TCF20: variants seen among roughly 807,000 people sequenced by gnomAD.
TCF20 encodes the protein transcription factor 20.
A neutral mutation model predicts 148.6 loss-of-function variants in TCF20; 3 were observed. The observed-to-expected ratio is 0.02, with a 90% CI of 0.01 to 0.05. The LOEUF is 0.05. TCF20 is among the 10% of genes least tolerant of loss of function. The probability of loss-of-function intolerance (pLI) is 1.00; values close to 1 mark genes in which losing one functional copy is unlikely to be tolerated. For missense variants in TCF20, 2,350 were observed against 2,429.3 expected (o/e 0.97, Z 0.69); for synonymous variants, 1,049 against 909.5 (o/e 1.15, Z -2.76).
chr22:42,255,520 A>C (rs889794278), intron 1 of TCF20, among the ~76,000 whole-genome samples: 12 of 149,818 alleles, frequency 8.0e-5, no homozygotes, highest in Non-Finnish European at 1.8e-4. Context: ...AACAACAACA[A>C]CAACAACAAA....
chr22:42,333,347 T>C (rs1928011276), intron 1 of TCF20, among the ~76,000 whole-genome samples: 1 of 152,008 alleles, frequency 6.6e-6, no homozygotes, highest in Non-Finnish European at 1.5e-5. Flanking sequence ...GCTGCCTCGC[T>C]GTGCAGAAGC....
intron 1 of TCF20, chr22:42,277,162 C>T (rs182589728): frequency 3.9e-5 from 6 of 152,230 alleles, no homozygotes; most frequent in Admixed American, 1.3e-4. Flanking sequence ...GCAGGAATGC[C>T]GTTCCCTCTT....
chr22:42,218,666 A>G (rs1019263403), intron 1 of TCF20, among the ~76,000 whole-genome samples: 4 of 152,198 alleles, frequency 2.6e-5, no homozygotes, highest in Admixed American at 2.6e-4. Context: ...TGAAGATCTG[A>G]GTGTATAAAC....
intron 1 of TCF20, among the ~76,000 whole-genome samples, chr22:42,255,229 G>A (rs1925664692): frequency 6.6e-6 from 1 of 152,070 alleles, no homozygotes; most frequent in African/African-American, 2.4e-5. Context: ...GCTCATGCCT[G>A]TAATCCCAGC....
chr22:42,174,928 G>A (rs1936355834), intron 3 of TCF20, among the ~76,000 whole-genome samples: 1 of 151,886 alleles, frequency 6.6e-6, no homozygotes, highest in African/African-American at 2.4e-5. Flanking sequence ...CCAGCTGCTG[G>A]GGCGGCTGAG....
rs558691068 is a variant in TCF20 at position 42,205,855 on chromosome 22, T to C, written c.5655+3796A>G. On this transcript the variant is annotated intron_variant, in intron 2 of 5. Coordinates refer to ENST00000677622, the MANE Select transcript of TCF20 (RefSeq NM_001378418.1). ...GGCACCATCTTGGCTCACTGCAACCTCCGTCTCCTAGGCTCAAGCCATTCT... is the reference window on the plus strand; with the variant it reads ...GGCACCATCTTGGCTCACTGCAACCCCCGTCTCCTAGGCTCAAGCCATTCT... Among the ~76,000 whole-genome samples the C allele has an allele frequency of 5.3e-5, 8 of 152,334 alleles. No individual in the cohort carries two copies. The East Asian group carries it at 1.5e-3, about 29-fold the overall frequency.
intron 1 of TCF20, among the ~76,000 whole-genome samples, chr22:42,324,152 A>T (rs1297662820): frequency 7.3e-5 from 2 of 27,220 alleles, no homozygotes; most frequent in African/African-American, 1.7e-4. Flanking sequence ...GTGGTGATAG[A>T]GGTTATGGTG....
intron 2 of TCF20, among the ~76,000 whole-genome samples, chr22:42,202,508 G>C (rs1938102910): frequency 1.3e-5 from 2 of 152,128 alleles, no homozygotes; most frequent in African/African-American, 4.8e-5. Flanking sequence ...TGTGACTCTG[G>C]GGCTCTCACC....
chr22:42,217,364 G>A (rs1461552513), intron 1 of TCF20, among the ~76,000 whole-genome samples: 1 of 152,054 alleles, frequency 6.6e-6, no homozygotes, highest in African/African-American at 2.4e-5. Context: ...TCATTCCCTG[G>A]TCATTCTAGT....
At chr22:42,206,514 G>A (rs1938399285) in intron 2 of TCF20, among the ~76,000 whole-genome samples, 2 of 152,256 alleles carry the variant, frequency 1.3e-5, no homozygotes, top group East Asian at 1.9e-4. Context: ...TATTTTGAGC[G>A]CTCAAATTTG....
At chr22:42,271,397 A>G (rs1056244434), upstream of TCF20, among the ~76,000 whole-genome samples, 2 of 152,358 alleles carry the variant, frequency 1.3e-5, no homozygotes, top group Middle Eastern at 3.4e-3. Context: ...ATTTGCCGAT[A>G]AGGCGGAGGA....
chr22:42,214,421 T>C lies in TCF20; in HGVS notation c.885A>G (p.Gln295=), dbSNP rs377271112. 6.3e-5 allele frequency: 102 copies of C among 1,614,106 alleles called. No individual in the cohort carries two copies. Among genetic ancestry groups the C allele is most frequent in the Non-Finnish European group, 7.6e-5 (90 of 1,180,020 alleles). ...GTQSNYSYQP[Q]SMKNFEQAKI... is the part of the protein sequence containing the mutation. Reference sequence around the variant, plus strand: ...TTGCCTGTTCAAAATTCTTCATAGATTGAGGCTGATAGCTGTAATTGGATT... The same window carrying C: ...TTGCCTGTTCAAAATTCTTCATAGACTGAGGCTGATAGCTGTAATTGGATT... The change falls in exon 2 of 6, where the codon CAA becomes CAG. Residue 295 remains glutamine, a synonymous_variant. Transcript: ENST00000677622.
chr22:42,288,749 CAG>C (rs1182887393), upstream of TCF20, among the ~76,000 whole-genome samples: 1 of 130,462 alleles, frequency 7.7e-6, no homozygotes, highest in African/African-American at 3.1e-5. Flanking sequence ...AAAAAAAAGA[CAG>C]AGAGCAGAGT....
chr22:42,203,525 C>T (rs1409668655), intron 2 of TCF20, among the ~76,000 whole-genome samples: 3 of 152,012 alleles, frequency 2.0e-5, no homozygotes, highest in Non-Finnish European at 4.4e-5. Flanking sequence ...AGAATTTGGA[C>T]GAAATCCTGA....
In TCF20 at chr22:42,211,146, G is replaced by A. The variant is rs1346131573; in HGVS notation, c.4160C>T (p.Ser1387Phe). Residue 1387 changes from serine to phenylalanine, a missense_variant, in exon 2 of 6, where the codon TCT (serine) becomes TTT (phenylalanine). Ser to Phe is a radical substitution (Grantham distance 155). Around this residue, in one of 7 missense-constraint regions of TCF20, gnomAD observed 231 missense variants for 213.7 expected, o/e 1.08. Transcript: ENST00000677622. Reference protein sequence around the residue: ...GDTVTLDDILSLKSGPPEGGS... With the variant: ...GDTVTLDDILFLKSGPPEGGS... ...ACCTTCAGGAGGACCACTCTTCAAA[G>A]ACAGTATATCATCAAGCGTAACCGT... The A allele has an allele frequency of 3.1e-6, 5 of 1,614,174 alleles. No homozygotes were observed. In the East Asian group the frequency reaches 1.1e-4, roughly 36 times the overall value.
At chr22:42,182,346 A>G (rs1315338504) in intron 2 of TCF20, among the ~76,000 whole-genome samples, 1 of 152,220 alleles carries the variant, frequency 6.6e-6, no homozygotes, top group African/African-American at 2.4e-5. Flanking sequence ...GGCTTAAAAC[A>G]GTGGCTGGGT....
chr22:42,251,492 CTTTTTTTTTTTTT>C (rs71184878), intron 1 of TCF20, among the ~76,000 whole-genome samples: 20 of 47,008 alleles, frequency 4.3e-4, no homozygotes, highest in Non-Finnish European at 6.3e-4. Flanking sequence ...AAACAAGTGT[CTTTTTTTTTTTTT>C]TTTTTTTTTT....
In TCF20 at chr22:42,212,114, A is replaced by T; in HGVS notation, c.3192T>A (p.His1064Gln). The part of the protein sequence containing the change: ...PNSETLASAY[H>Q]ANTRAHAYGD... ...CATAAGCATGAGCCCGAGTATTTGC[A>T]TGATAAGCAGAGGCCAGGGTTTCTG... Residue 1064 changes from histidine (H) to glutamine (Q), a missense_variant, in exon 2 of 6, where the codon CAT (histidine) becomes CAA (glutamine). By Grantham distance (24) the His-to-Gln change is conservative (BLOSUM62 0). Around this residue, in one of 7 missense-constraint regions of TCF20, gnomAD observed 1,641 missense variants for 1,662.6 expected, o/e 0.99. Coordinates refer to ENST00000677622, the MANE Select transcript of TCF20 (RefSeq NM_001378418.1). The T allele has an allele frequency of 6.2e-6, 10 of 1,614,186 alleles. No individual in the cohort carries two copies. The highest frequency in any genetic ancestry group is 8.5e-6 in the Non-Finnish European group (10 of 1,180,030).
rs1417752071 is a variant in TCF20, at chr22:42,212,778, C to T, written c.2528G>A (p.Arg843Lys). The change falls in exon 2 of 6, where the codon AGA becomes AAA. Residue 843 changes from arginine (R) to lysine (K), a missense_variant. Arg to Lys is a conservative substitution (Grantham distance 26). Transcript: ENST00000677622. ...QINLTDYPIP[R>K]KFEIEPQSSA... The stretch of plus-strand genomic sequence containing the variant: ...TGACTGAGGCTCTATTTCAAACTTT[C>T]TGGGAATTGGATAGTCAGTCAAATT... 6.2e-7 allele frequency: 1 copy of T among 1,614,216 alleles called. No homozygotes were observed. Among genetic ancestry groups the T allele is most frequent in the Non-Finnish European group, 8.5e-7 (1 of 1,180,042 alleles).
Sources: allele counts gnomAD v4.1 joint callset (sites outside exome capture counted in the v4.1 genomes callset), GRCh38; gene constraint gnomAD v4.1.1; regional missense constraint gnomAD v4.1.1; transcripts MANE v1.5; gene names NCBI Gene and HGNC (gene_info 2026-07-23, HGNC 2026-07-21).